Variants in CHN2 observed in about 807,000 individuals in gnomAD.
CHN2 encodes the protein chimerin 2, also known as beta-chimaerin.
In CHN2, 35 loss-of-function variants were observed where a neutral mutation model predicts 56.3. The ratio of observed to expected loss-of-function variants is 0.62; its 90% CI spans 0.47 to 0.82. The LOEUF is 0.82. CHN2 is among the 40% of genes least tolerant of loss of function. The pLI, the probability that CHN2 is intolerant of heterozygous loss-of-function variation, is 0.00. For synonymous variants in CHN2, 210 were observed against 212.8 expected (o/e 0.99, Z 0.12); for missense variants, 491 against 580.5 (o/e 0.85, Z 1.58).
At chr7:29,172,706 CCAA>C (rs1796759322) in intron 2 of CHN2, among the ~76,000 whole-genome samples, 2 of 151,994 alleles carry the variant, frequency 1.3e-5, no homozygotes, top group African/African-American at 2.4e-5. Context: ...AGTCATCTGA[CCAA>C]CGATTTCAAG....
intron 1 of CHN2, among the ~76,000 whole-genome samples, chr7:29,211,450 G>GCACA (rs148200755): frequency 0.12 from 16,530 of 138,270 alleles, 1,102 homozygotes; most frequent in Non-Finnish European, 0.16. Flanking sequence ...CTGCATGTTG[G>GCACA]CACACACACA....
rs185018361 is a variant in CHN2, at chr7:29,212,495, C to T, written c.49+17505C>T. The T allele has an allele frequency of 4.4e-6, 7 of 1,578,606 alleles. 1 individual carries two copies. The highest frequency in any genetic ancestry group is 3.3e-5 in the South Asian group (3 of 90,304). ...CATGGATCTGCTTATTCAGGACAGC[C>T]CTGATTCTTCCACCAGTCCCAAAGG... On this transcript the variant is annotated intron_variant, in intron 1 of 12. Coordinates refer to ENST00000222792, the MANE Select transcript of CHN2 (RefSeq NM_004067.4).
intron 7 of CHN2, among the ~76,000 whole-genome samples, chr7:29,486,000 C>T (rs996183583): frequency 6.6e-6 from 1 of 152,008 alleles, no homozygotes; most frequent in Admixed American, 6.6e-5. Context: ...ACTGTGTGTT[C>T]CCCACTCCCT....
At chr7:29,391,333 G>A (rs551616777) in intron 3 of CHN2, among the ~76,000 whole-genome samples, 105 of 140,770 alleles carry the variant, frequency 7.5e-4, no homozygotes, top group Admixed American at 2.0e-3. Flanking sequence ...GGAAGGGAAG[G>A]GAAGAGGAAG....
intron 1 of CHN2, among the ~76,000 whole-genome samples, chr7:29,205,920 G>T (rs1584729671): frequency 6.6e-6 from 1 of 152,062 alleles, no homozygotes; most frequent in Non-Finnish European, 1.5e-5. Context: ...CCCAATTTAG[G>T]AACATTACCT....
intron 2 of CHN2, among the ~76,000 whole-genome samples, chr7:29,361,586 C>T (rs569122682): frequency 6.6e-6 from 1 of 152,322 alleles, no homozygotes; most frequent in South Asian, 2.1e-4. Flanking sequence ...TTGCCTTCCC[C>T]TTCCCTCCTC....
At chr7:29,258,474 G>A (rs1311879982) in intron 1 of CHN2, among the ~76,000 whole-genome samples, 11 of 152,052 alleles carry the variant, frequency 7.2e-5, no homozygotes, top group Admixed American at 2.6e-4. Flanking sequence ...TTCTCTGCTC[G>A]CCTCATCTTC....
intron 6 of CHN2, among the ~76,000 whole-genome samples, chr7:29,431,073 A>G (rs1782827462): frequency 6.6e-6 from 1 of 152,166 alleles, no homozygotes; most frequent in African/African-American, 2.4e-5. Context: ...CCCCAAGCCT[A>G]ACCAGTAAGC....
At chr7:29,394,370 G>A (rs1213017475) in intron 4 of CHN2, among the ~76,000 whole-genome samples, 1 of 152,222 alleles carries the variant, frequency 6.6e-6, no homozygotes, top group African/African-American at 2.4e-5. Flanking sequence ...CCAGGGGAGA[G>A]GAGATGCATC....
chr7:29,514,291 G>C lies in CHN2; in HGVS notation c.*1556G>C, dbSNP rs1166276002. On this transcript the variant is annotated 3_prime_UTR_variant, in exon 13 of 13. Transcript: ENST00000222792. ...GTAATTTATGATAGTGTAAATGGAA[G>C]GCAAAGCATCACATGTATTAAATTC... 6.6e-6 allele frequency: 1 copy of C among 152,614 alleles called. No homozygotes were observed. The highest frequency in any genetic ancestry group is 2.4e-5 in the African/African-American group (1 of 41,430). 9.5% of individuals were successfully genotyped at this position (152,614 alleles called of 1,614,324 possible).
At chr7:29,223,822 A>G (rs1398073490) in intron 1 of CHN2, among the ~76,000 whole-genome samples, 4 of 152,334 alleles carry the variant, frequency 2.6e-5, no homozygotes, top group Admixed American at 2.0e-4. Context: ...TCAGCTTTAC[A>G]CAATACTGCT....
intron 3 of CHN2, among the ~76,000 whole-genome samples, chr7:29,387,798 C>T (rs931855584): frequency 6.6e-6 from 1 of 152,198 alleles, no homozygotes; most frequent in Non-Finnish European, 1.5e-5. Context: ...GGAGCACTAC[C>T]AACTCAGGTC....
At chr7:29,315,829 A>G (rs925483749) in intron 1 of CHN2, among the ~76,000 whole-genome samples, 21 of 152,194 alleles carry the variant, frequency 1.4e-4, no homozygotes, top group Non-Finnish European at 2.9e-4. Context: ...AATCGTGAAA[A>G]TGCTAAGAGA....
chr7:29,503,303 A>G (rs906817774), intron 9 of CHN2, among the ~76,000 whole-genome samples: 1 of 152,192 alleles, frequency 6.6e-6, no homozygotes, highest in African/African-American at 2.4e-5. Context: ...GTGGCCATCT[A>G]TGAGCCAGAA....
intron 1 of CHN2, among the ~76,000 whole-genome samples, chr7:29,289,625 G>A (rs1562892794): frequency 6.6e-6 from 1 of 152,158 alleles, no homozygotes; most frequent in South Asian, 2.1e-4. Flanking sequence ...ATTATCCTGC[G>A]GGGTGGAGGT....
intron 2 of CHN2, among the ~76,000 whole-genome samples, chr7:29,155,839 G>C (rs10256795): frequency 6.6e-6 from 1 of 151,812 alleles, no homozygotes; most frequent in Non-Finnish European, 1.5e-5. Flanking sequence ...CTGGAAAGGC[G>C]AGGACATTTC....
At chr7:29,314,609 C>T (rs1794826406) in intron 1 of CHN2, among the ~76,000 whole-genome samples, 1 of 151,950 alleles carries the variant, frequency 6.6e-6, no homozygotes, top group African/African-American at 2.4e-5. Context: ...GTAACATCAC[C>T]ACCAACAAAA....
intron 6 of CHN2, among the ~76,000 whole-genome samples, chr7:29,426,788 C>T (rs967154855): frequency 6.6e-6 from 1 of 152,196 alleles, no homozygotes; most frequent in Non-Finnish European, 1.5e-5. Context: ...CACTTCCAAT[C>T]TCATGCAAGT....
At chr7:29,214,750 C>T (rs766286393) in intron 1 of CHN2, among the ~76,000 whole-genome samples, 5 of 152,178 alleles carry the variant, frequency 3.3e-5, no homozygotes, top group African/African-American at 4.8e-5. Flanking sequence ...ATGCCTCTTA[C>T]TTAATCACCC....
Sources: allele counts gnomAD v4.1 joint callset (sites outside exome capture counted in the v4.1 genomes callset), GRCh38; gene constraint gnomAD v4.1.1; transcripts MANE v1.5; gene names NCBI Gene and HGNC (gene_info 2026-07-23, HGNC 2026-07-21).